The following SEMA4D variants were observed in gnomAD, a reference collection of about 807,000 sequenced individuals.
The protein encoded by SEMA4D is semaphorin 4D, also known as semaphorin-4D.
A neutral mutation model predicts 74.8 loss-of-function variants in SEMA4D; 22 were observed. The observed-to-expected ratio is 0.29, with a 90% CI of 0.21 to 0.42. SEMA4D has a LOEUF of 0.42. Among genes scored for constraint, SEMA4D ranks in the 10% least tolerant of loss-of-function variants. SEMA4D has a pLI of 1.00. For missense variants in SEMA4D, 937 were observed against 1,118.4 expected, an observed-to-expected ratio of 0.84 and a Z score of 2.31; for synonymous variants, 445 against 463.7, an observed-to-expected ratio of 0.96 and a Z score of 0.52.
intron 2 of SEMA4D, among the ~76,000 whole-genome samples, chr9:89,422,724 G>A (rs1280705534): frequency 3.3e-5 from 5 of 152,128 alleles, no homozygotes; most frequent in African/African-American, 9.7e-5. Flanking sequence ...AGCAGTACCC[G>A]GCCAAGAATC....
At chr9:89,457,333 G>T (rs896127563) in intron 1 of SEMA4D, among the ~76,000 whole-genome samples, 9 of 152,176 alleles carry the variant, frequency 5.9e-5, no homozygotes, top group African/African-American at 2.2e-4. Flanking sequence ...CCATGAGGGT[G>T]CTTCCTGCAT....
intron 2 of SEMA4D, among the ~76,000 whole-genome samples, chr9:89,445,896 GTC>G (rs1366234168): frequency 1.3e-5 from 2 of 151,996 alleles, no homozygotes; most frequent in African/African-American, 4.8e-5. Context: ...CACCTCAGAG[GTC>G]TCTGCAGGCT....
intron 2 of SEMA4D, among the ~76,000 whole-genome samples, chr9:89,411,851 G>A (rs559706593): frequency 3.9e-5 from 6 of 152,356 alleles, no homozygotes; most frequent in African/African-American, 9.6e-5. Flanking sequence ...ATTGTTCACC[G>A]CAAAGCCGAA....
intron 2 of SEMA4D, among the ~76,000 whole-genome samples, chr9:89,449,047 T>C (rs1386354139): frequency 6.6e-6 from 1 of 152,120 alleles, no homozygotes; most frequent in Non-Finnish European, 1.5e-5. Flanking sequence ...AAATACACTG[T>C]GTAAGTCTTA....
chr9:89,418,161 T>A, intron 2 of SEMA4D: 3 of 928,610 alleles, frequency 3.2e-6, no homozygotes, highest in Non-Finnish European at 3.9e-6. Flanking sequence ...GCCCTTAAAC[T>A]GTGCATCCAC....
intron 2 of SEMA4D, among the ~76,000 whole-genome samples, chr9:89,452,173 G>GTTTTTT (rs1362131550): frequency 4.8e-5 from 3 of 62,344 alleles, no homozygotes; most frequent in African/African-American, 1.5e-4. Flanking sequence ...TCCTGTCTTG[G>GTTTTTT]TTTTTTTTGT....
chr9:89,447,328 G>A (rs1485940520), intron 2 of SEMA4D, among the ~76,000 whole-genome samples: 2 of 151,758 alleles, frequency 1.3e-5, no homozygotes, highest in African/African-American at 4.8e-5. Flanking sequence ...CCAGGCTTAG[G>A]TACCCCACAG....
chr9:89,404,540 C>G (rs7036797), intron 3 of SEMA4D, among the ~76,000 whole-genome samples: 25,604 of 114,342 alleles, frequency 0.22, 2,854 homozygotes, highest in African/African-American at 0.32. Flanking sequence ...AAGTGGAGTT[C>G]CTGTCCCGTC....
chr9:89,437,213 C>T (rs1402026927), intron 2 of SEMA4D, among the ~76,000 whole-genome samples: 1 of 152,190 alleles, frequency 6.6e-6, no homozygotes, highest in Non-Finnish European at 1.5e-5. Flanking sequence ...CCATGAGTGG[C>T]CTGATCCTAG....
At chr9:89,424,786 G>T (rs1217742249) in intron 2 of SEMA4D, among the ~76,000 whole-genome samples, 1 of 152,042 alleles carries the variant, frequency 6.6e-6, no homozygotes, top group Non-Finnish European at 1.5e-5. Flanking sequence ...GTAAGGGAAT[G>T]ACACCACATT....
chr9:89,407,562 T>C (rs1843583212), intron 2 of SEMA4D, among the ~76,000 whole-genome samples: 1 of 152,234 alleles, frequency 6.6e-6, no homozygotes, highest in African/African-American at 2.4e-5. Context: ...TCCAGTCCAC[T>C]GCCACAAAGT....
At chr9:89,376,394 A>G (rs1370624305), downstream of SEMA4D, 1 of 152,254 alleles carries the variant, frequency 6.6e-6, no homozygotes, top group Non-Finnish European at 1.5e-5. Flanking sequence ...TTAAGGGAGA[A>G]GCAATCCTAT....
At chr9:89,450,590 G>A in intron 2 of SEMA4D, 1 of 843,120 alleles carries the variant, frequency 1.2e-6, no homozygotes, top group South Asian at 1.3e-5. Context: ...ACCTCTATAA[G>A]TCTGAGATGA....
chr9:89,466,467 A>G (rs1401512924), intron 1 of SEMA4D, among the ~76,000 whole-genome samples: 2 of 152,116 alleles, frequency 1.3e-5, no homozygotes, highest in Non-Finnish European at 2.9e-5. Flanking sequence ...TAACACTCAC[A>G]GGCCAGGTGA....
At chr9:89,362,909 ACAGGGAGCCTC>A (rs981065275) in intron 18 of SEMA4D, among the ~76,000 whole-genome samples, 19 of 152,208 alleles carry the variant, frequency 1.2e-4, no homozygotes, top group Non-Finnish European at 2.5e-4. Context: ...CCGTGGGGAG[ACAGGGAGCCTC>A]TAGGGAGCCT....
Position 89,379,276 on chromosome 9 carries a change from A to T in SEMA4D, c.2017T>A (p.Leu673Met), listed in dbSNP as rs1564529362. The change falls in exon 16 of 16, where the codon TTG (leucine) becomes ATG (methionine). Residue 673 changes from leucine (L) to methionine (M), a missense_variant. Transcript: ENST00000422704. ...TEGSRIATKV[L>M]VASTQGSSPP... ...GAAGACCCTTGGGTGGATGCCACCA[A>T]CACTTTGGTGGCAATCCTACTACCT... 1 of 1,614,082 alleles carries T rather than the reference A, an allele frequency of 6.2e-7. No individual in the cohort carries two copies. Among genetic ancestry groups the T allele is most frequent in the Admixed American group, 1.7e-5 (1 of 60,018 alleles).
At chr9:89,365,689 C>CA (rs1036803769) in intron 16 of SEMA4D, 2 of 152,268 alleles carry the variant, frequency 1.3e-5, no homozygotes, top group Admixed American at 6.5e-5. Context: ...TACCTGCACA[C>CA]ACAAAAACTG....
chr9:89,363,264 A>AT lies in SEMA4D; in HGVS notation c.2190+165dup, dbSNP rs375197670. Among the ~76,000 whole-genome samples, 17 of 143,784 alleles carry AT rather than the reference A, an allele frequency of 1.2e-4. No homozygotes were observed. In the South Asian group the frequency reaches 3.8e-3, roughly 32 times the overall value. The allele number at this position is 143,784 out of a possible 152,430, so 94.3% of individuals were successfully genotyped here. ...TGCAGTCTCAGCAACAAGACGTGGG[A>AT]TTTCCCCCCCCAGTGTTGCAGATTT... is the stretch of plus-strand genomic sequence containing the variant. On this transcript the variant is annotated intron_variant, in intron 18 of 18. Transcript: ENST00000339861.
intron 16 of SEMA4D, chr9:89,363,956 GAC>G: frequency 6.2e-7 from 1 of 1,614,026 alleles, no homozygotes; most frequent in Non-Finnish European, 8.5e-7. Flanking sequence ...AGGACCTGGG[GAC>G]ACAGACCGTT....
Sources: allele counts gnomAD v4.1 joint callset (sites outside exome capture counted in the v4.1 genomes callset), GRCh38; gene constraint gnomAD v4.1.1; transcripts MANE v1.5; gene names NCBI Gene and HGNC (gene_info 2026-07-23, HGNC 2026-07-21).